SACM1L: variants seen among roughly 807,000 people sequenced by gnomAD.
SACM1L encodes the protein phosphatidylinositol-3-phosphatase SAC1.
Under a neutral mutation model 89.5 loss-of-function variants are expected in SACM1L, and 32 were observed. That is an observed-to-expected ratio of 0.36 (90% CI 0.27 to 0.48). The LOEUF (loss-of-function observed/expected upper bound fraction) is 0.48, where lower values mean the gene tolerates loss of function less well. SACM1L is among the 20% of genes least tolerant of loss of function. The probability of loss-of-function intolerance (pLI) is 0.99; values close to 1 mark genes in which losing one functional copy is unlikely to be tolerated. For synonymous variants in SACM1L, 213 were observed against 232.8 expected (o/e 0.92, Z 0.77); for missense variants, 543 against 708.5 (o/e 0.77, Z 2.65).
intron 14 of SACM1L, among the ~76,000 whole-genome samples, chr3:45,736,100 G>T (rs899125355): frequency 6.6e-6 from 1 of 152,128 alleles, no homozygotes; most frequent in Non-Finnish European, 1.5e-5. Flanking sequence ...AAACCCCTGG[G>T]CTCAAGCAGT....
intron 1 of SACM1L, among the ~76,000 whole-genome samples, chr3:45,696,992 A>G (rs920774156): frequency 6.6e-6 from 1 of 152,148 alleles, no homozygotes; most frequent in African/African-American, 2.4e-5. Context: ...TAAGTGTAAT[A>G]CCAGAACTGC....
intron 11 of SACM1L, among the ~76,000 whole-genome samples, chr3:45,726,112 G>A (rs1242267847): frequency 1.3e-5 from 2 of 152,054 alleles, no homozygotes; most frequent in Admixed American, 6.5e-5. Flanking sequence ...GTGTTTGGCT[G>A]GGGATTTTTA....
chr3:45,694,328 C>T (rs1225546236), intron 1 of SACM1L, among the ~76,000 whole-genome samples: 1 of 152,140 alleles, frequency 6.6e-6, no homozygotes, highest in Non-Finnish European at 1.5e-5. Flanking sequence ...GTGAGGTCAT[C>T]AGTCAGGGCA....
intron 1 of SACM1L, among the ~76,000 whole-genome samples, chr3:45,699,567 G>A (rs995371412): frequency 7.2e-5 from 11 of 151,786 alleles, no homozygotes; most frequent in South Asian, 4.2e-4. Flanking sequence ...TCACTCTGTC[G>A]CCCAGGCTGG....
chr3:45,731,258 T>C, intron 11 of SACM1L, 43 bp from the exon 12 acceptor site: 1 of 1,340,384 alleles, frequency 7.5e-7, no homozygotes, highest in Non-Finnish European at 1.1e-6. Context: ...CATTCTCTCC[T>C]TTGAAATAAA....
intron 11 of SACM1L, chr3:45,730,663 C>T (rs1415125099): frequency 6.6e-6 from 1 of 152,198 alleles, no homozygotes; most frequent in Non-Finnish European, 1.5e-5. Flanking sequence ...TGCATCTTGC[C>T]TGGTTATGTG....
intron 16 of SACM1L, 72 bp from the exon 17 acceptor site, chr3:45,738,506 C>T: frequency 1.2e-6 from 1 of 854,352 alleles, no homozygotes; most frequent in East Asian, 2.4e-5. Flanking sequence ...ATACCTTATG[C>T]TTATTGGCCA....
Position 45,714,061 on chromosome 3 carries a change from CT to C in SACM1L, c.561del (p.Pro188GlnfsTer38). ...SAQPEVHRFA[L>X]PVLHGFITMH... The stretch of plus-strand genomic sequence containing the variant: ...TTCATTTCAGGTTCATCGGTTTGCC[CT>C]TCCAGTGTTACATGGCTGTATCCTT... On this transcript the variant is annotated frameshift_variant, in exon 7 of 20. Coordinates refer to ENST00000389061, the MANE Select transcript of SACM1L (RefSeq NM_014016.5). LOFTEE classifies it high-confidence loss of function. 6.5e-7 allele frequency: 1 copy of C among 1,547,440 alleles called. No individual in the cohort carries two copies. The highest frequency in any genetic ancestry group is 1.2e-5 in the South Asian group (1 of 81,356).
At chr3:45,710,817 AAAT>A (rs1559541405) in intron 5 of SACM1L, among the ~76,000 whole-genome samples, 1 of 152,150 alleles carries the variant, frequency 6.6e-6, no homozygotes, top group Non-Finnish European at 1.5e-5. Flanking sequence ...TAATTTGGTA[AAAT>A]TGTATGTAGG....
chr3:45,715,287 TTTA>T (rs1698625738), intron 7 of SACM1L, among the ~76,000 whole-genome samples: 1 of 152,232 alleles, frequency 6.6e-6, no homozygotes, highest in South Asian at 2.1e-4. Context: ...CTATTATTTA[TTTA>T]TTCAGTATGT....
chr3:45,743,697 T>G lies in SACM1L; in HGVS notation c.*28T>G. ...TTGTATTTGTGGAAAGCGGCTTGGC[T>G]TGGAAGATTCCATTGTGCAGAACTG... is the stretch of plus-strand genomic sequence containing the variant. On this transcript the variant is annotated 3_prime_UTR_variant, in exon 20 of 20. Coordinates refer to ENST00000389061, the MANE Select transcript of SACM1L (RefSeq NM_014016.5). 1 of 1,604,948 alleles carries G rather than the reference T, an allele frequency of 6.2e-7. No individual in the cohort carries two copies. Among genetic ancestry groups the G allele is most frequent in the Non-Finnish European group, 8.5e-7 (1 of 1,175,666 alleles).
Position 45,735,257 on chromosome 3 carries a change from G to A in SACM1L, c.1123G>A (p.Gly375Ser). 2 of 1,612,626 alleles carry A rather than the reference G, an allele frequency of 1.2e-6. No homozygotes were observed. The highest frequency in any genetic ancestry group is 1.7e-6 in the Non-Finnish European group (2 of 1,179,706). The change falls in exon 14 of 20, where the codon GGC becomes AGC. Residue 375 changes from glycine (G) to serine (S), a missense_variant. Gly to Ser is a moderately conservative substitution (Grantham distance 56). Coordinates refer to ENST00000389061, the MANE Select transcript of SACM1L (RefSeq NM_014016.5). ...ELSYFLVDSA[G>S]QVVANQEGVF... ...TAGTTATTTTCTAGTGGACTCTGCT[G>A]GCCAGGTGGTGGCAAACCAGGAAGG...
chr3:45,737,530 C>G (rs1699227375), intron 14 of SACM1L, 53 bp from the exon 15 acceptor site: 5 of 1,524,890 alleles, frequency 3.3e-6, no homozygotes. Context: ...CTTCCTAAAC[C>G]ATGTCTGCTA....
In SACM1L at chr3:45,744,305, A is replaced by G. The variant is rs1221139344; in HGVS notation, c.*636A>G. 1 of 152,680 alleles carries G rather than the reference A, an allele frequency of 6.5e-6. No individual in the cohort carries two copies. Among genetic ancestry groups the G allele is most frequent in the East Asian group, 1.9e-4 (1 of 5,194 alleles). 9.5% of individuals were successfully genotyped at this position (152,680 alleles called of 1,614,324 possible). A position where few individuals can be genotyped will look rare whatever the true frequency, so the allele number is the denominator to read the frequency against. ...AATCAGCTTGAACTGCCAGTGCACC[A>G]GCAGTTTAGGTGTGATGAGAGAATT... On this transcript the variant is annotated 3_prime_UTR_variant, in exon 20 of 20. Transcript: ENST00000389061.
At chr3:45,692,624 A>G (rs975461012) in intron 1 of SACM1L, among the ~76,000 whole-genome samples, 2 of 152,210 alleles carry the variant, frequency 1.3e-5, no homozygotes, top group Non-Finnish European at 2.9e-5. Context: ...GAGAGTTTAG[A>G]TGAAGTACTT....
In SACM1L at chr3:45,731,338, C is replaced by T; in HGVS notation, c.959C>T (p.Thr320Ile). 3 of 1,613,444 alleles carry T rather than the reference C, an allele frequency of 1.9e-6. No individual in the cohort carries two copies. The highest frequency in any genetic ancestry group is 2.5e-6 in the Non-Finnish European group (3 of 1,179,566). Residue 320 changes from threonine to isoleucine, a missense_variant, in exon 12 of 20, where the codon ACA becomes ATA. By Grantham distance (89) the Thr-to-Ile change is moderately conservative (BLOSUM62 -1). Coordinates refer to ENST00000389061, the MANE Select transcript of SACM1L (RefSeq NM_014016.5). Reference sequence around the variant, plus strand: ...GGCTCGGAGAAGCCACTTGAGCAGACATTTGCAACAATGGTGTCTTCCTTG... The same window carrying T: ...GGCTCGGAGAAGCCACTTGAGCAGATATTTGCAACAATGGTGTCTTCCTTG... ...QKGSEKPLEQ[T>I]FATMVSSLGS...
At chr3:45,718,899 A>G (rs555595942) in intron 7 of SACM1L, among the ~76,000 whole-genome samples, 1 of 152,228 alleles carries the variant, frequency 6.6e-6, no homozygotes, top group African/African-American at 2.4e-5. Flanking sequence ...AACTTTATAT[A>G]AAGAAAGGCT....
chr3:45,722,343 C>T (rs1559546014), intron 9 of SACM1L, among the ~76,000 whole-genome samples: 2 of 151,986 alleles, frequency 1.3e-5, no homozygotes, highest in South Asian at 4.1e-4. Flanking sequence ...GGAAATGGAG[C>T]CATCTGTCTA....
intron 11 of SACM1L, among the ~76,000 whole-genome samples, chr3:45,724,777 G>A (rs1476277691): frequency 6.6e-6 from 1 of 151,852 alleles, no homozygotes; most frequent in African/African-American, 2.4e-5. Flanking sequence ...TTACAGTTAG[G>A]TCTTTGGTCT....
Sources: gnomAD v4.1 joint callset for allele counts (sites outside exome capture counted in the v4.1 genomes callset) on GRCh38, gnomAD v4.1.1 for gene constraint, MANE v1.5 for transcripts, NCBI Gene and HGNC (gene_info 2026-07-23, HGNC 2026-07-21) for gene names.